PDGFD: variants seen among roughly 807,000 people sequenced by gnomAD.
PDGFD encodes the protein platelet-derived growth factor D.
Under a neutral mutation model 44.7 loss-of-function variants are expected in PDGFD, and 30 were observed. The observed-to-expected ratio is 0.67, with a 90% CI of 0.50 to 0.91. The LOEUF is 0.91. Among genes scored for constraint, PDGFD ranks in the 40% least tolerant of loss-of-function variants. PDGFD has a pLI of 0.00. For missense variants in PDGFD, 445 were observed against 457.8 expected, an observed-to-expected ratio of 0.97 and a Z score of 0.25; for synonymous variants, 173 against 168.4, an observed-to-expected ratio of 1.03 and a Z score of -0.21.
At chr11:103,941,185 A>T (rs1018755620) in intron 5 of PDGFD, among the ~76,000 whole-genome samples, 3 of 152,030 alleles carry the variant, frequency 2.0e-5, no homozygotes, top group African/African-American at 7.2e-5. Context: ...CACCCCATTG[A>T]GATTCTGAGT....
At chr11:104,022,341 T>C (rs569778438) in intron 1 of PDGFD, among the ~76,000 whole-genome samples, 4 of 152,294 alleles carry the variant, frequency 2.6e-5, no homozygotes, top group South Asian at 4.1e-4. Flanking sequence ...TCAAGATTAA[T>C]AGTTGGACTC....
chr11:103,966,624 C>T (rs1003926168), intron 3 of PDGFD, among the ~76,000 whole-genome samples: 1 of 152,122 alleles, frequency 6.6e-6, no homozygotes, highest in African/African-American at 2.4e-5. Flanking sequence ...AAGAATATTG[C>T]TTTTGGGAGC....
intron 1 of PDGFD, among the ~76,000 whole-genome samples, chr11:104,097,280 G>T (rs1373496013): frequency 6.6e-6 from 1 of 152,104 alleles, no homozygotes; most frequent in Non-Finnish European, 1.5e-5. Context: ...TTCATATATC[G>T]ATAGATTTTA....
At chr11:103,979,574 A>C (rs1859235607) in intron 3 of PDGFD, among the ~76,000 whole-genome samples, 1 of 152,126 alleles carries the variant, frequency 6.6e-6, no homozygotes, top group South Asian at 2.1e-4. Context: ...TTGTAGAAAG[A>C]ATGAGTTACA....
chr11:104,100,395 C>T (rs1322007837), intron 1 of PDGFD, among the ~76,000 whole-genome samples: 1 of 152,022 alleles, frequency 6.6e-6, no homozygotes, highest in African/African-American at 2.4e-5. Flanking sequence ...ATACATACAC[C>T]CTCCCAAGAC....
intron 6 of PDGFD, among the ~76,000 whole-genome samples, chr11:103,925,716 C>CACATATATATATATATATATATAT (rs1198529368): frequency 1.6e-5 from 2 of 122,778 alleles, no homozygotes; most frequent in African/African-American, 6.4e-5. Flanking sequence ...CACACACACA[C>CACATATATATATATATATATATAT]ATATATATAT....
chr11:104,138,491 T>C (rs1340536656), intron 1 of PDGFD, among the ~76,000 whole-genome samples: 3 of 152,200 alleles, frequency 2.0e-5, no homozygotes, highest in Non-Finnish European at 4.4e-5. Context: ...ATGTGTATTA[T>C]AGCAAAGCAC....
Position 104,000,129 on chromosome 11 carries a change from T to A in PDGFD, c.251A>T (p.His84Leu), listed in dbSNP as rs1334241518. The A allele has an allele frequency of 1.9e-6, 3 of 1,614,068 alleles. No individual in the cohort carries two copies. Among genetic ancestry groups the A allele is most frequent in the Non-Finnish European group, 2.5e-6 (3 of 1,179,982 alleles). Residue 84 changes from histidine (H) to leucine (L), a missense_variant, in exon 2 of 7, where the codon CAC becomes CTC. By Grantham distance (99) the His-to-Leu change is moderately conservative. Coordinates refer to ENST00000393158, the MANE Select transcript of PDGFD (RefSeq NM_025208.5). Reference sequence around the variant, plus strand: ...CTGTATCCGTGTATTCTCCTGAGAGTGAAGCCGCCATGTCAGGAGCAGGTT... The same window carrying A: ...CTGTATCCGTGTATTCTCCTGAGAGAGAAGCCGCCATGTCAGGAGCAGGTT... Reference protein sequence around the residue: ...PRNLLLTWRLHSQENTRIQLV... With the variant: ...PRNLLLTWRLLSQENTRIQLV...
intron 1 of PDGFD, among the ~76,000 whole-genome samples, chr11:104,091,725 TATA>T (rs898603864): frequency 1.3e-5 from 2 of 152,182 alleles, no homozygotes; most frequent in Non-Finnish European, 2.9e-5. Flanking sequence ...AATAAATAAT[TATA>T]ATAGCCATTA....
intron 5 of PDGFD, among the ~76,000 whole-genome samples, chr11:103,939,540 C>G (rs911358817): frequency 6.6e-6 from 1 of 151,942 alleles, no homozygotes; most frequent in African/African-American, 2.4e-5. Flanking sequence ...AATTGAATAC[C>G]CTTTATTTCC....
intron 1 of PDGFD, among the ~76,000 whole-genome samples, chr11:104,093,038 T>G (rs1861232764): frequency 6.6e-6 from 1 of 152,182 alleles, no homozygotes; most frequent in Non-Finnish European, 1.5e-5. Flanking sequence ...CTTTTCCCAC[T>G]CGCTGAGTGA....
At chr11:104,111,658 G>A (rs1421126125) in intron 1 of PDGFD, among the ~76,000 whole-genome samples, 1 of 152,106 alleles carries the variant, frequency 6.6e-6, no homozygotes, top group Middle Eastern at 3.4e-3. Context: ...CTCAAACTAG[G>A]AAAAAATAAA....
intron 3 of PDGFD, among the ~76,000 whole-genome samples, chr11:103,965,764 T>C (rs1859009773): frequency 6.6e-6 from 1 of 152,176 alleles, no homozygotes; most frequent in Non-Finnish European, 1.5e-5. Flanking sequence ...TCATTCTGAC[T>C]GACAGGTTTA....
chr11:103,954,032 A>T (rs1274606847), intron 3 of PDGFD, among the ~76,000 whole-genome samples: 1 of 152,262 alleles, frequency 6.6e-6, no homozygotes, highest in Non-Finnish European at 1.5e-5. Context: ...CTGAAAGCAA[A>T]TATAGCTGGG....
chr11:103,943,756 G>T, intron 4 of PDGFD, 106 bp from the exon 5 acceptor site: 1 of 882,094 alleles, frequency 1.1e-6, no homozygotes, highest in Non-Finnish European at 1.8e-6. Flanking sequence ...CTGAGTATAA[G>T]ACATCATACG....
intron 1 of PDGFD, among the ~76,000 whole-genome samples, chr11:104,036,315 G>C (rs1368147796): frequency 1.3e-5 from 2 of 151,986 alleles, no homozygotes; most frequent in Non-Finnish European, 1.5e-5. Context: ...ATGGTAGACT[G>C]TGCCTGTAGT....
intron 3 of PDGFD, among the ~76,000 whole-genome samples, chr11:103,973,434 A>G (rs1859133938): frequency 6.6e-6 from 1 of 152,080 alleles, no homozygotes; most frequent in Non-Finnish European, 1.5e-5. Flanking sequence ...GGCGTGAGAA[A>G]AGTGGTCACT....
intron 1 of PDGFD, among the ~76,000 whole-genome samples, chr11:104,084,606 T>A (rs965842830): frequency 2.2e-4 from 32 of 147,304 alleles, no homozygotes; most frequent in African/African-American, 7.9e-4. Context: ...AAAATTAAAT[T>A]ATATATATAT....
chr11:103,914,939 A>G (rs767843439), intron 6 of PDGFD, among the ~76,000 whole-genome samples: 11 of 152,164 alleles, frequency 7.2e-5, no homozygotes, highest in Non-Finnish European at 1.5e-4. Flanking sequence ...GTATCGATGG[A>G]ATGTATCTCA....
Sources: allele counts gnomAD v4.1 joint callset (sites outside exome capture counted in the v4.1 genomes callset), GRCh38; gene constraint gnomAD v4.1.1; transcripts MANE v1.5; gene names NCBI Gene and HGNC (gene_info 2026-07-23, HGNC 2026-07-21).